Variants in CADPS2 observed in about 807,000 individuals in gnomAD.
The protein encoded by CADPS2 is calcium-dependent secretion activator 2.
CADPS2 carries 93 observed loss-of-function variants against 172.5 expected under a neutral mutation model. The observed-to-expected ratio is 0.54, with a 90% CI of 0.46 to 0.64. CADPS2 has a LOEUF of 0.64. CADPS2 is among the 30% of genes least tolerant of loss of function. CADPS2 has a pLI of 0.00. For synonymous variants in CADPS2, 546 were observed against 555.2 expected (o/e 0.98, Z 0.23); for missense variants, 1,420 against 1,565.9 (o/e 0.91, Z 1.57).
At chr7:122,558,809 A>G (rs1282828040) in intron 7 of CADPS2, among the ~76,000 whole-genome samples, 1 of 152,142 alleles carries the variant, frequency 6.6e-6, no homozygotes, top group Non-Finnish European at 1.5e-5. Flanking sequence ...GATTGAGGCC[A>G]AACTACATAC....
intron 1 of CADPS2, among the ~76,000 whole-genome samples, chr7:122,828,457 T>A (rs563875791): frequency 6.6e-6 from 1 of 152,260 alleles, no homozygotes; most frequent in Admixed American, 6.5e-5. Context: ...TTTCTACTTG[T>A]TTCCTCTGGA....
At chr7:122,739,779 G>C (rs1166106116) in intron 1 of CADPS2, among the ~76,000 whole-genome samples, 1 of 152,122 alleles carries the variant, frequency 6.6e-6, no homozygotes, top group Non-Finnish European at 1.5e-5. Context: ...TCTAGCACTG[G>C]GGATAGCTGT....
intron 2 of CADPS2, among the ~76,000 whole-genome samples, chr7:122,705,676 T>C (rs1166164090): frequency 7.5e-5 from 5 of 66,306 alleles, no homozygotes; most frequent in African/African-American, 3.2e-4. Flanking sequence ...TAATATATTA[T>C]ATAATATATC....
intron 27 of CADPS2, among the ~76,000 whole-genome samples, 161 bp downstream of exon 27, chr7:122,360,627 T>C (rs1240908207): frequency 1.3e-5 from 2 of 152,194 alleles, no homozygotes; most frequent in Non-Finnish European, 2.9e-5. Flanking sequence ...CGAAATAACC[T>C]TGCTATGTCT....
At chr7:122,375,406 T>C (rs763568007) in intron 25 of CADPS2, among the ~76,000 whole-genome samples, 4 of 152,100 alleles carry the variant, frequency 2.6e-5, no homozygotes, top group South Asian at 2.1e-4. Flanking sequence ...TATAGGCCAA[T>C]AGAACAAAAC....
intron 1 of CADPS2, among the ~76,000 whole-genome samples, chr7:122,794,321 C>G (rs554833235): frequency 6.6e-6 from 1 of 151,862 alleles, no homozygotes; most frequent in Non-Finnish European, 1.5e-5. Flanking sequence ...TTTCTGTACT[C>G]TTGTCTAATT....
At chr7:122,670,553 A>G (rs2081716138) in intron 2 of CADPS2, among the ~76,000 whole-genome samples, 1 of 151,244 alleles carries the variant, frequency 6.6e-6, no homozygotes, top group Non-Finnish European at 1.5e-5. Flanking sequence ...GCGGGAGTCC[A>G]GTGGCAACAT....
At chr7:122,540,314 T>C (rs529556524) in intron 8 of CADPS2, among the ~76,000 whole-genome samples, 43 of 152,114 alleles carry the variant, frequency 2.8e-4, no homozygotes, top group Non-Finnish European at 4.9e-4. Flanking sequence ...AGTATTATAG[T>C]AATTTAAAAG....
intron 1 of CADPS2, among the ~76,000 whole-genome samples, chr7:122,749,918 TAAGAA>T (rs2092876775): frequency 7.4e-6 from 1 of 135,916 alleles, no homozygotes; most frequent in African/African-American, 2.8e-5. Context: ...ATGCTGCTAA[TAAGAA>T]AAGGCAAATT....
At chr7:122,403,674 C>T (rs915209736) in intron 20 of CADPS2, among the ~76,000 whole-genome samples, 5 of 152,030 alleles carry the variant, frequency 3.3e-5, no homozygotes, top group Non-Finnish European at 7.4e-5. Context: ...CAAATTTACA[C>T]TTGCATTGAA....
chr7:122,638,547 T>C (rs968077512), intron 3 of CADPS2, among the ~76,000 whole-genome samples: 7 of 152,190 alleles, frequency 4.6e-5, no homozygotes, highest in African/African-American at 1.7e-4. Flanking sequence ...GTCAGGGCCA[T>C]GGCACCTCAA....
At chr7:122,844,302 G>A (rs1041977782) in intron 1 of CADPS2, among the ~76,000 whole-genome samples, 19 of 152,132 alleles carry the variant, frequency 1.2e-4, no homozygotes, top group African/African-American at 4.3e-4. Flanking sequence ...TGGTAATCAC[G>A]CCCTTTCATA....
chr7:122,763,352 C>A (rs1402776509), intron 1 of CADPS2, among the ~76,000 whole-genome samples: 2 of 152,114 alleles, frequency 1.3e-5, no homozygotes, highest in Non-Finnish European at 2.9e-5. Context: ...GATGAGAGTG[C>A]TGAATCCTAC....
intron 1 of CADPS2, among the ~76,000 whole-genome samples, chr7:122,759,894 T>C (rs1414227828): frequency 6.6e-6 from 1 of 152,054 alleles, no homozygotes; most frequent in African/African-American, 2.4e-5. Flanking sequence ...TAAGTGAGCG[T>C]ATAAAATAGA....
intron 11 of CADPS2, among the ~76,000 whole-genome samples, chr7:122,489,627 T>C (rs1251852973): frequency 6.6e-6 from 1 of 152,094 alleles, no homozygotes; most frequent in Non-Finnish European, 1.5e-5. Context: ...TTTTTATCAA[T>C]CTACAACAAA....
At chr7:122,594,596 C>T (rs2071449425) in intron 6 of CADPS2, among the ~76,000 whole-genome samples, 1 of 151,966 alleles carries the variant, frequency 6.6e-6, no homozygotes, top group Non-Finnish European at 1.5e-5. Context: ...TCATATTACA[C>T]TTGTATCACT....
intron 8 of CADPS2, among the ~76,000 whole-genome samples, chr7:122,529,738 C>T (rs1207619777): frequency 6.6e-6 from 1 of 152,020 alleles, no homozygotes; most frequent in Non-Finnish European, 1.5e-5. Flanking sequence ...TATTTTTCCA[C>T]AGGAAAATAA....
intron 20 of CADPS2, among the ~76,000 whole-genome samples, chr7:122,400,147 T>C (rs2045757905): frequency 6.6e-6 from 1 of 151,222 alleles, no homozygotes; most frequent in South Asian, 2.1e-4. Flanking sequence ...GGAAAGAAAC[T>C]AGAGCAGGCA....
intron 28 of CADPS2, among the ~76,000 whole-genome samples, chr7:122,330,277 A>G (rs1454877411): frequency 6.6e-6 from 1 of 152,230 alleles, no homozygotes; most frequent in Non-Finnish European, 1.5e-5. Flanking sequence ...ATATTTGTTA[A>G]ATGAGGAAGG....
Sources: gnomAD v4.1 joint callset for allele counts (sites outside exome capture counted in the v4.1 genomes callset) on GRCh38, gnomAD v4.1.1 for gene constraint, MANE v1.5 for transcripts, NCBI Gene and HGNC (gene_info 2026-07-23, HGNC 2026-07-21) for gene names.